The following FOXP1 variants were observed in gnomAD, a reference collection of about 807,000 sequenced individuals.
FOXP1 encodes the protein forkhead box P1.
In FOXP1, 15 loss-of-function variants were observed where a neutral mutation model predicts 98.2. The ratio of observed to expected loss-of-function variants is 0.15; its 90% CI spans 0.10 to 0.24. FOXP1 has a LOEUF of 0.24. Among genes scored for constraint, FOXP1 ranks in the 10% least tolerant of loss-of-function variants. The pLI is 1.00. For synonymous variants in FOXP1, 371 were observed against 314.5 expected (o/e 1.18, Z -1.90); for missense variants, 633 against 848.5 (o/e 0.75, Z 3.15).
chr3:71,211,268 G>A (rs575284048), intron 5 of FOXP1, among the ~76,000 whole-genome samples: 53 of 152,152 alleles, frequency 3.5e-4, no homozygotes, highest in South Asian at 4.2e-4. Flanking sequence ...GTGCAGTGGC[G>A]CAATCTTGGC....
At chr3:71,498,686 T>G (rs2041095965) in intron 2 of FOXP1, among the ~76,000 whole-genome samples, 3 of 152,190 alleles carry the variant, frequency 2.0e-5, no homozygotes, top group Admixed American at 2.0e-4. Context: ...ACAAAGGCCC[T>G]CTCAGCAAAC....
At chr3:71,577,664 A>G (rs1242728267) in intron 2 of FOXP1, among the ~76,000 whole-genome samples, 1 of 152,154 alleles carries the variant, frequency 6.6e-6, no homozygotes, top group African/African-American at 2.4e-5. Flanking sequence ...TGCAGAGTAG[A>G]GTAACAAATG....
At chr3:71,055,668 A>C (rs1327509021) in intron 7 of FOXP1, among the ~76,000 whole-genome samples, 1 of 152,210 alleles carries the variant, frequency 6.6e-6, no homozygotes, top group Non-Finnish European at 1.5e-5. Context: ...ATACAGAAGA[A>C]ACTTTTCGGA....
At chr3:71,558,730 T>C (rs1007967654) in intron 2 of FOXP1, among the ~76,000 whole-genome samples, 1 of 151,418 alleles carries the variant, frequency 6.6e-6, no homozygotes, top group Non-Finnish European at 1.5e-5. Context: ...CTTGACCTCA[T>C]GATCCGCCCG....
At chr3:71,383,913 A>G (rs1483898315) in intron 3 of FOXP1, among the ~76,000 whole-genome samples, 1 of 152,194 alleles carries the variant, frequency 6.6e-6, no homozygotes, top group African/African-American at 2.4e-5. Context: ...AGAGACAACT[A>G]TGTATGTGCA....
At chr3:71,223,110 T>C (rs1375840892) in intron 5 of FOXP1, among the ~76,000 whole-genome samples, 2 of 152,116 alleles carry the variant, frequency 1.3e-5, no homozygotes, top group Non-Finnish European at 1.5e-5. Flanking sequence ...ACCATTCTGA[T>C]CAAGTCACTC....
chr3:71,139,277 T>G (rs2059958385), intron 6 of FOXP1, among the ~76,000 whole-genome samples: 1 of 152,132 alleles, frequency 6.6e-6, no homozygotes, highest in Admixed American at 6.5e-5. Flanking sequence ...AAATTCAGAC[T>G]CATAATGGCA....
chr3:71,550,806 A>G (rs2045719819), intron 2 of FOXP1, among the ~76,000 whole-genome samples: 1 of 152,182 alleles, frequency 6.6e-6, no homozygotes, highest in South Asian at 2.1e-4. Flanking sequence ...TATCATATTT[A>G]TACCACTCCG....
chr3:70,957,396 A>T lies in FOXP1; in HGVS notation c.*1851T>A, dbSNP rs1269700734. On this transcript the variant is annotated 3_prime_UTR_variant, in exon 21 of 21. Transcript: ENST00000649528. ...TCTCTTTCTCAGGTTGCAATAGCCT[A>T]TCGCTTGTCATTTGCCTCTAAATTC... is the stretch of plus-strand genomic sequence containing the variant. 1 of 229,346 alleles carries T rather than the reference A, an allele frequency of 4.4e-6. No homozygotes were observed. The highest frequency in any genetic ancestry group is 8.7e-6 in the Non-Finnish European group (1 of 115,554). 14.2% of individuals were successfully genotyped at this position (229,346 alleles called of 1,614,324 possible).
chr3:71,101,024 C>A (rs1423320911), intron 7 of FOXP1, among the ~76,000 whole-genome samples: 1 of 152,030 alleles, frequency 6.6e-6, no homozygotes, highest in Non-Finnish European at 1.5e-5. Context: ...TGGAAAAAGT[C>A]TTTGCCAAAA....
intron 11 of FOXP1, among the ~76,000 whole-genome samples, chr3:71,040,651 TA>T (rs1310858315): frequency 6.6e-6 from 1 of 152,162 alleles, no homozygotes; most frequent in Non-Finnish European, 1.5e-5. Flanking sequence ...AATTCAAAAA[TA>T]AAATGTCTTA....
intron 4 of FOXP1, among the ~76,000 whole-genome samples, chr3:71,351,243 C>T (rs1295472434): frequency 6.6e-6 from 1 of 152,078 alleles, no homozygotes; most frequent in African/African-American, 2.4e-5. Flanking sequence ...TCCAGATTTC[C>T]CTGGAGCTAG....
chr3:71,352,770 G>T (rs1218718057), intron 4 of FOXP1, among the ~76,000 whole-genome samples: 3 of 152,252 alleles, frequency 2.0e-5, no homozygotes, highest in Non-Finnish European at 1.5e-5. Flanking sequence ...TGTTTATTGA[G>T]ATTTTTTAGG....
chr3:71,507,522 C>T (rs967080601), intron 2 of FOXP1, among the ~76,000 whole-genome samples: 3 of 151,534 alleles, frequency 2.0e-5, no homozygotes, highest in Non-Finnish European at 2.9e-5. Flanking sequence ...TAGAAGGAAA[C>T]GTGAGCCCCA....
In FOXP1 at chr3:70,965,944, T is replaced by C. The variant is rs758540752; in HGVS notation, c.1835A>G (p.His612Arg). 1.2e-6 allele frequency: 2 copies of C among 1,614,176 alleles called. No homozygotes were observed. Among genetic ancestry groups the C allele is most frequent in the South Asian group, 1.1e-5 (1 of 91,084 alleles). Residue 612 changes from histidine to arginine, a missense_variant, in exon 20 of 21, where the codon CAT becomes CGT. Around this residue, in one of 6 missense-constraint regions of FOXP1, gnomAD observed 150 missense variants for 163.7 expected, o/e 0.92. Transcript: ENST00000649528. ...IREELNGAME[H>R]TNSNESDSSP... ...GCTGTCACTCTCGTTGCTGTTGGTA[T>C]GCTCCATTGCCCCGTTCAGCTCTTC...
intron 6 of FOXP1, among the ~76,000 whole-genome samples, chr3:71,136,522 G>C (rs893402255): frequency 2.6e-5 from 4 of 152,166 alleles, no homozygotes; most frequent in Non-Finnish European, 5.9e-5. Flanking sequence ...AGAAGTAAAT[G>C]ACTCATAAGA....
chr3:71,392,004 T>C (rs1399868515), intron 3 of FOXP1, among the ~76,000 whole-genome samples: 1 of 152,178 alleles, frequency 6.6e-6, no homozygotes. Context: ...AAAAATCTAT[T>C]ACTCAGTGAA....
intron 4 of FOXP1, chr3:71,332,342 A>C (rs1172725050): frequency 6.4e-6 from 1 of 156,396 alleles, no homozygotes; most frequent in Non-Finnish European, 1.4e-5. Context: ...CACCAGAAGG[A>C]AGAAACTCCA....
At chr3:71,551,928 C>T (rs1367010637) in intron 2 of FOXP1, among the ~76,000 whole-genome samples, 1 of 152,138 alleles carries the variant, frequency 6.6e-6, no homozygotes, top group Non-Finnish European at 1.5e-5. Context: ...AAACCATTCC[C>T]TCCAGGAAGT....
Sources: gnomAD v4.1 joint callset for allele counts (sites outside exome capture counted in the v4.1 genomes callset) on GRCh38, gnomAD v4.1.1 for gene constraint, gnomAD v4.1.1 regional missense constraint, MANE v1.5 for transcripts, NCBI Gene and HGNC (gene_info 2026-07-23, HGNC 2026-07-21) for gene names.